The following DMD variants were observed in gnomAD, a reference collection of about 807,000 sequenced individuals.
The protein encoded by DMD is dystrophin, also known as mutant dystrophin.
In DMD, 63 loss-of-function variants were observed where a neutral mutation model predicts 330.1. That is an observed-to-expected ratio of 0.19 (90% CI 0.16 to 0.24). The LOEUF (loss-of-function observed/expected upper bound fraction) is 0.24. Among genes scored for constraint, DMD ranks in the 10% least tolerant of loss-of-function variants. DMD has a pLI of 1.00. For synonymous variants in DMD, 1,223 were observed against 959.8 expected, an observed-to-expected ratio of 1.27 and a Z score of -5.07; for missense variants, 3,344 against 2,684.1, an observed-to-expected ratio of 1.25 and a Z score of -5.43.
chrX:31,371,588 T>C (rs187826145), intron 60 of DMD, among the ~76,000 whole-genome samples: 1 of 111,106 alleles, frequency 9.0e-6, no homozygotes, highest in African/African-American at 3.3e-5. Context: ...AGTTCAAAGG[T>C]TCCCTGGAGG....
At chrX:32,440,611 TAA>T (rs2098278261) in intron 28 of DMD, among the ~76,000 whole-genome samples, 1 of 111,733 alleles carries the variant, frequency 8.9e-6, no homozygotes, top group African/African-American at 3.2e-5. Context: ...TGTCAGAAGT[TAA>T]AGTCAAGTTT....
In DMD at chrX:33,036,420, CTT is replaced by C. The variant is rs764600033; in HGVS notation, c.32-16222_32-16221del. On this transcript the variant is annotated intron_variant, in intron 1 of 78. Transcript: ENST00000357033. ...TTTAAATATCTAGAAGCATTGTCTT[CTT>C]TGTTCCCATAAAAATTACCGTTCTG... Among the ~76,000 whole-genome samples, 26 of 111,055 alleles carry C rather than the reference CTT, an allele frequency of 2.3e-4. No homozygotes were observed. The East Asian group carries it at 7.1e-3, about 30-fold the overall frequency.
At chrX:32,721,480 T>C (rs1004190260) in intron 7 of DMD, among the ~76,000 whole-genome samples, 3 of 110,248 alleles carry the variant, frequency 2.7e-5, no homozygotes, top group African/African-American at 9.9e-5. Flanking sequence ...TTAATTTCCC[T>C]GTTGGCCGTT....
At chrX:31,848,026 A>T (rs2093457761) in intron 48 of DMD, among the ~76,000 whole-genome samples, 1 of 111,489 alleles carries the variant, frequency 9.0e-6, no homozygotes, top group African/African-American at 3.3e-5. Flanking sequence ...TTCTTTCTGA[A>T]TCTGTTGTGT....
In DMD at chrX:31,488,704, C is replaced by A. The variant is rs779142547; in HGVS notation, c.8547+8084G>T. Among the ~76,000 whole-genome samples the A allele has an allele frequency of 1.3e-4, 15 of 112,073 alleles. 1 individual carries two copies. In the South Asian group the frequency reaches 4.9e-3, roughly 36 times the overall value. ...TAATTATTCACCATACCTATCATTT[C>A]CACTCTAGTCCAAGTAATCATTTCC... On this transcript the variant is annotated intron_variant, in intron 57 of 78. Coordinates refer to ENST00000357033, the MANE Select transcript of DMD (RefSeq NM_004006.3).
At chrX:32,462,468 A>T (rs1779420892) in intron 25 of DMD, among the ~76,000 whole-genome samples, 1 of 111,655 alleles carries the variant, frequency 9.0e-6, no homozygotes, top group African/African-American at 3.3e-5. Flanking sequence ...TTCGAACAAG[A>T]AGTATTTGAT....
intron 7 of DMD, among the ~76,000 whole-genome samples, chrX:32,804,576 G>A (rs963876531): frequency 1.6e-4 from 18 of 112,407 alleles, no homozygotes; most frequent in East Asian, 1.4e-3. Context: ...CTTGCCTGCC[G>A]GCTCTGAAGA....
intron 44 of DMD, among the ~76,000 whole-genome samples, chrX:32,007,805 G>A (rs1299384630): frequency 9.0e-6 from 1 of 110,993 alleles, no homozygotes; most frequent in Admixed American, 9.6e-5. Flanking sequence ...TTAACATTAT[G>A]AACCTCATAA....
intron 2 of DMD, among the ~76,000 whole-genome samples, chrX:32,929,969 G>A (rs769415131): frequency 1.7e-4 from 19 of 111,237 alleles, no homozygotes; most frequent in Non-Finnish European, 1.9e-4. Context: ...TCTTTGATGG[G>A]CATTTCAACT....
intron 2 of DMD, among the ~76,000 whole-genome samples, chrX:32,998,635 A>G (rs1229750104): frequency 1.2e-5 from 1 of 85,187 alleles, no homozygotes. Context: ...ACACATTTGC[A>G]TATATATGTT....
At chrX:32,506,213 T>G (rs2044602043) in intron 18 of DMD, among the ~76,000 whole-genome samples, 1 of 111,230 alleles carries the variant, frequency 9.0e-6, no homozygotes, top group African/African-American at 3.3e-5. Flanking sequence ...GTTCATCTGT[T>G]GAAACAAATA....
intron 69 of DMD, 143 bp downstream of exon 69, chrX:31,180,227 A>T (rs1268338146): frequency 5.6e-6 from 3 of 532,992 alleles, no homozygotes; most frequent in Non-Finnish European, 1.0e-5. Flanking sequence ...TAAATCCTGA[A>T]GCCTACAGTT....
At chrX:32,762,042 C>G (rs912291373) in intron 7 of DMD, among the ~76,000 whole-genome samples, 1 of 108,192 alleles carries the variant, frequency 9.2e-6, no homozygotes, top group Admixed American at 1.0e-4. Context: ...CCCAGCTACT[C>G]GGGAGGCTGA....
chrX:31,887,352 T>C (rs2094169584), intron 47 of DMD, among the ~76,000 whole-genome samples: 1 of 111,827 alleles, frequency 8.9e-6, no homozygotes, highest in Non-Finnish European at 1.9e-5. Flanking sequence ...TTCTCTTGCT[T>C]AAAATTGTGT....
chrX:33,002,918 G>A (rs989586953), intron 2 of DMD, among the ~76,000 whole-genome samples: 1 of 105,930 alleles, frequency 9.4e-6, no homozygotes, highest in Non-Finnish European at 1.9e-5. Flanking sequence ...ATTCCTCAGG[G>A]ACCTCTGCAC....
chrX:31,177,876 C>G (rs1569418048), intron 71 of DMD, 56 bp downstream of exon 71: 3 of 1,021,973 alleles, frequency 2.9e-6, no homozygotes, highest in Non-Finnish European at 2.8e-6. Context: ...CAAAAGAGAA[C>G]CAAGCGAGCG....
intron 12 of DMD, among the ~76,000 whole-genome samples, chrX:32,597,195 G>A (rs950748050): frequency 4.5e-5 from 5 of 111,644 alleles, no homozygotes; most frequent in African/African-American, 1.6e-4. Flanking sequence ...CTTTTCATGA[G>A]CAAACTATCC....
intron 9 of DMD, among the ~76,000 whole-genome samples, chrX:32,665,897 G>T (rs918661624): frequency 3.6e-5 from 4 of 111,659 alleles, no homozygotes. Context: ...ATTTATGAAA[G>T]ATCATTCTGG....
chrX:33,257,716 C>T (rs1045201190), intron 1 of DMD, among the ~76,000 whole-genome samples: 1 of 110,755 alleles, frequency 9.0e-6, no homozygotes, highest in African/African-American at 3.3e-5. Flanking sequence ...ATGGTAAGTT[C>T]GATAAGCCAT....
Sources: gnomAD v4.1 joint callset for allele counts (sites outside exome capture counted in the v4.1 genomes callset) on GRCh38, gnomAD v4.1.1 for gene constraint, MANE v1.5 for transcripts, NCBI Gene and HGNC (gene_info 2026-07-23, HGNC 2026-07-21) for gene names.